Variants in MAP3K4 observed in about 807,000 individuals in gnomAD.
MAP3K4 encodes mitogen-activated protein kinase kinase kinase 4.
In MAP3K4, 67 loss-of-function variants were observed where a neutral mutation model predicts 185.6. The ratio of observed to expected loss-of-function variants is 0.36; its 90% CI spans 0.30 to 0.44. The LOEUF is 0.44. MAP3K4 is among the 20% of genes least tolerant of loss of function. MAP3K4 has a pLI of 1.00. For synonymous variants in MAP3K4, 702 were observed against 710.4 expected (o/e 0.99, Z 0.19); for missense variants, 1,551 against 1,995.1 (o/e 0.78, Z 4.24).
intron 3 of MAP3K4, among the ~76,000 whole-genome samples, chr6:161,068,791 A>G (rs184639243): frequency 9.8e-5 from 15 of 152,340 alleles, no homozygotes; most frequent in African/African-American, 3.6e-4. Context: ...ATGAATGAGC[A>G]TTAATTAGTG....
Position 161,091,390 on chromosome 6 carries a change from G to A in MAP3K4, c.2985G>A (p.Leu995=). 1 of 1,613,186 alleles carries A rather than the reference G, an allele frequency of 6.2e-7. No homozygotes were observed. Among genetic ancestry groups the A allele is most frequent in the Non-Finnish European group, 8.5e-7 (1 of 1,179,662 alleles). ...KALQQLKNDA[L]ELCNRISNAI... Reference sequence around the variant, plus strand: ...TTTGGACTCTTCAGAATGATGCATTGGAGCTATGCAACAGGATAAGCAATG... The same window carrying A: ...TTTGGACTCTTCAGAATGATGCATTAGAGCTATGCAACAGGATAAGCAATG... Residue 995 remains leucine (L), a synonymous_variant, in exon 12 of 27, where the codon TTG becomes TTA. Transcript: ENST00000392142. The surrounding 1 kb of genome is among the most constrained non-coding windows in gnomAD (Gnocchi z 5.5).
Position 161,017,303 on chromosome 6 carries a change from A to C in MAP3K4, c.153-16956A>C, listed in dbSNP as rs917937639. Among the ~76,000 whole-genome samples the C allele has an allele frequency of 2.3e-4, 35 of 152,156 alleles. No individual in the cohort carries two copies. The highest frequency in any genetic ancestry group is 1.5e-4 in the Non-Finnish European group (10 of 68,030). On this transcript the variant is annotated intron_variant, in intron 1 of 26. Transcript: ENST00000392142. This position sits in a 1 kb window ranked among gnomAD's most constrained non-coding sequence, Gnocchi z 5.1. ...TTTCGATGATCCTAGCTAAGTCAAAACAATTTGGTGGCATACTTGTTTCTG... is the reference window on the plus strand; with the variant it reads ...TTTCGATGATCCTAGCTAAGTCAAACCAATTTGGTGGCATACTTGTTTCTG...
intron 18 of MAP3K4, among the ~76,000 whole-genome samples, chr6:161,102,355 C>T (rs1367306554): frequency 6.6e-6 from 1 of 152,208 alleles, no homozygotes; most frequent in African/African-American, 2.4e-5. Flanking sequence ...ATGCAGCCCT[C>T]AGGAACCACA....
Position 160,992,332 on chromosome 6 carries a change from C to G in MAP3K4, c.152+249C>G, listed in dbSNP as rs1207052672. On this transcript the variant is annotated intron_variant, in intron 1 of 26. Coordinates refer to ENST00000392142, the MANE Select transcript of MAP3K4 (RefSeq NM_005922.4). ...CGAGCGTGTTGCCGGCTCCCCTTCCCTTGTAGACTCCCCCAGCTCACCCTC... is the reference window on the plus strand; with the variant it reads ...CGAGCGTGTTGCCGGCTCCCCTTCCGTTGTAGACTCCCCCAGCTCACCCTC... The G allele has an allele frequency of 7.6e-6, 4 of 529,062 alleles. No homozygotes were observed. In the African/African-American group the frequency reaches 8.1e-5, roughly 11 times the overall value. The allele number at this position is 529,062 out of a possible 1,614,324, so 32.8% of individuals were successfully genotyped here. A position where few individuals can be genotyped will look rare whatever the true frequency, so the allele number is the denominator to read the frequency against.
At chr6:161,012,203 TAG>T (rs1240151204) in intron 1 of MAP3K4, among the ~76,000 whole-genome samples, 8 of 152,226 alleles carry the variant, frequency 5.3e-5, no homozygotes, top group Non-Finnish European at 8.8e-5. Flanking sequence ...TCTGAGAATT[TAG>T]AGTCTTAATT....
Position 161,108,890 on chromosome 6 carries a change from G to C in MAP3K4, c.4236+31G>C. ...CCGACCCTAATGCCACTCTTTGTGT[G>C]AGGAATCAGTGAGGGCACAGAATGG... On this transcript the variant is annotated intron_variant, in intron 22 of 26. Coordinates refer to ENST00000392142, the MANE Select transcript of MAP3K4 (RefSeq NM_005922.4). This position sits in a 1 kb window ranked among gnomAD's most constrained non-coding sequence, Gnocchi z 5.7. 2 of 1,597,206 alleles carry C rather than the reference G, an allele frequency of 1.3e-6. No individual in the cohort carries two copies. The highest frequency in any genetic ancestry group is 1.7e-6 in the Non-Finnish European group (2 of 1,164,636).
rs569871163 is a variant in MAP3K4 at position 161,064,057 on chromosome 6, G to C, written c.1708-6551G>C. 6.6e-6 allele frequency among the ~76,000 whole-genome samples: 1 copy of C among 152,052 alleles called. No individual in the cohort carries two copies. Among genetic ancestry groups the C allele is most frequent in the African/African-American group, 2.4e-5 (1 of 41,392 alleles). On this transcript the variant is annotated intron_variant, in intron 3 of 26. Coordinates refer to ENST00000392142, the MANE Select transcript of MAP3K4 (RefSeq NM_005922.4). The surrounding 1 kb of genome is among the most constrained non-coding windows in gnomAD (Gnocchi z 4.3). Reference sequence around the variant, plus strand: ...CATTGCTCCATTTTTATGAGAGGGCGTTGAAGGGAAATTGAAACCCTGTTG... The same window carrying C: ...CATTGCTCCATTTTTATGAGAGGGCCTTGAAGGGAAATTGAAACCCTGTTG...
At position 161,053,662 on chromosome 6, in the gene MAP3K4, G is replaced by T. The variant is rs1784103914; in HGVS notation, c.1707+3683G>T. 6.6e-6 allele frequency among the ~76,000 whole-genome samples: 1 copy of T among 151,940 alleles called. No individual in the cohort carries two copies. The highest frequency in any genetic ancestry group is 1.5e-5 in the Non-Finnish European group (1 of 67,976). ...GCTGGAGTGTAATGGGAAGATCTCG[G>T]CTCACTGCAACCTCTGTCTCCCGGG... On this transcript the variant is annotated intron_variant, in intron 3 of 26. Coordinates refer to ENST00000392142, the MANE Select transcript of MAP3K4 (RefSeq NM_005922.4). The surrounding 1 kb of genome is among the most constrained non-coding windows in gnomAD (Gnocchi z 4.2).
Position 161,071,699 on chromosome 6 carries a change from C to G in MAP3K4, c.1950+849C>G, listed in dbSNP as rs963180933. On this transcript the variant is annotated intron_variant, in intron 4 of 26. Coordinates refer to ENST00000392142, the MANE Select transcript of MAP3K4 (RefSeq NM_005922.4). The surrounding 1 kb of genome is among the most constrained non-coding windows in gnomAD (Gnocchi z 4.6). ...CTAATGAAAGTCATTTGGAGATTGT[C>G]CCCTGCATCTCATTTCCATCCCTTT... Among the ~76,000 whole-genome samples, 2 of 152,110 alleles carry G rather than the reference C, an allele frequency of 1.3e-5. No homozygotes were observed. The highest frequency in any genetic ancestry group is 4.8e-5 in the African/African-American group (2 of 41,414).
chr6:161,102,589 A>G, intron 18 of MAP3K4, 110 bp from the exon 19 acceptor site: 2 of 644,948 alleles, frequency 3.1e-6, no homozygotes, highest in Non-Finnish European at 5.2e-6. Flanking sequence ...AAAATTAATA[A>G]CCAGAAAGGC....
rs542356870 is a variant in MAP3K4, at chr6:160,992,321, G to T, written c.152+238G>T. On this transcript the variant is annotated intron_variant, in intron 1 of 26. Coordinates refer to ENST00000392142, the MANE Select transcript of MAP3K4 (RefSeq NM_005922.4). ...AGGGTTCCGCTCGAGCGTGTTGCCG[G>T]CTCCCCTTCCCTTGTAGACTCCCCC... 7 of 543,902 alleles carry T rather than the reference G, an allele frequency of 1.3e-5. No individual in the cohort carries two copies. The South Asian group carries it at 1.8e-4, about 14-fold the overall frequency. 33.7% of individuals were successfully genotyped at this position (543,902 alleles called of 1,614,324 possible).
intron 2 of MAP3K4, among the ~76,000 whole-genome samples, chr6:161,040,243 A>G (rs1290142711): frequency 6.6e-6 from 1 of 152,132 alleles, no homozygotes; most frequent in Non-Finnish European, 1.5e-5. Context: ...TTGTGGTTGA[A>G]TGCATAAGGC....
At chr6:161,024,336 T>A (rs899143548) in intron 1 of MAP3K4, among the ~76,000 whole-genome samples, 1 of 152,164 alleles carries the variant, frequency 6.6e-6, no homozygotes, top group South Asian at 2.1e-4. Flanking sequence ...TACCCTATGC[T>A]CAGTTTCCCC....
Position 161,043,721 on chromosome 6 carries a change from G to A in MAP3K4, c.344-4895G>A, listed in dbSNP as rs568517244. ...ACTTTAGCAGGAACGCAGTGATTTCGAACATACACTGAAATTTGAGAAGCT... is the reference window on the plus strand; with the variant it reads ...ACTTTAGCAGGAACGCAGTGATTTCAAACATACACTGAAATTTGAGAAGCT... On this transcript the variant is annotated intron_variant, in intron 2 of 26. Coordinates refer to ENST00000392142, the MANE Select transcript of MAP3K4 (RefSeq NM_005922.4). The surrounding 1 kb of genome is among the most constrained non-coding windows in gnomAD (Gnocchi z 4.3). 1.1e-4 allele frequency among the ~76,000 whole-genome samples: 17 copies of A among 152,180 alleles called. No individual in the cohort carries two copies. The highest frequency in any genetic ancestry group is 1.8e-4 in the Non-Finnish European group (12 of 68,028).
rs1332741771 is a variant in MAP3K4 at position 161,088,093 on chromosome 6, G to A, written c.2823+139G>A. 9 of 741,530 alleles carry A rather than the reference G, an allele frequency of 1.2e-5. No individual in the cohort carries two copies. Among genetic ancestry groups the A allele is most frequent in the Non-Finnish European group, 1.9e-5 (9 of 473,122 alleles). 45.9% of individuals were successfully genotyped at this position (741,530 alleles called of 1,614,324 possible). ...ACTTCCCAAAAATATGCCTCAATGTGTTAATAGGTCATTTTGCAGCATAAT... is the reference window on the plus strand; with the variant it reads ...ACTTCCCAAAAATATGCCTCAATGTATTAATAGGTCATTTTGCAGCATAAT... On this transcript the variant is annotated intron_variant, in intron 10 of 26. Transcript: ENST00000392142. The surrounding 1 kb of genome is among the most constrained non-coding windows in gnomAD (Gnocchi z 4.5).
chr6:161,076,248 C>A lies in MAP3K4; in HGVS notation c.2097+2636C>A, dbSNP rs191322396. ...TGTGACAGCCATGACCGAAGCTGAGCCTGTCTCTCCAGGGATTCTGTTGTT... is the reference window on the plus strand; with the variant it reads ...TGTGACAGCCATGACCGAAGCTGAGACTGTCTCTCCAGGGATTCTGTTGTT... On this transcript the variant is annotated intron_variant, in intron 5 of 26. Coordinates refer to ENST00000392142, the MANE Select transcript of MAP3K4 (RefSeq NM_005922.4). This position sits in a 1 kb window ranked among gnomAD's most constrained non-coding sequence, Gnocchi z 4.2. 6.6e-6 allele frequency among the ~76,000 whole-genome samples: 1 copy of A among 152,306 alleles called. No homozygotes were observed. The highest frequency in any genetic ancestry group is 1.5e-5 in the Non-Finnish European group (1 of 68,022).
At position 161,043,625 on chromosome 6, in the gene MAP3K4, T is replaced by C. The variant is rs1009488152; in HGVS notation, c.344-4991T>C. On this transcript the variant is annotated intron_variant, in intron 2 of 26. Transcript: ENST00000392142. The surrounding 1 kb of genome is among the most constrained non-coding windows in gnomAD (Gnocchi z 4.3). ...TGACAATGTCTGTGAAGCCCTTACC[T>C]GGAAAATGGAAGCTGGATAAAGCAA... Among the ~76,000 whole-genome samples, 2 of 152,206 alleles carry C rather than the reference T, an allele frequency of 1.3e-5. No individual in the cohort carries two copies. The highest frequency in any genetic ancestry group is 2.9e-5 in the Non-Finnish European group (2 of 68,034).
intron 1 of MAP3K4, among the ~76,000 whole-genome samples, chr6:160,999,672 TCTTC>T: frequency 6.6e-6 from 1 of 152,196 alleles, no homozygotes; most frequent in East Asian, 1.9e-4. Flanking sequence ...TGCAAGCCCT[TCTTC>T]CCTTACCCTC....
At chr6:160,998,025 A>C (rs1303010150) in intron 1 of MAP3K4, among the ~76,000 whole-genome samples, 1 of 152,118 alleles carries the variant, frequency 6.6e-6, no homozygotes, top group Non-Finnish European at 1.5e-5. Flanking sequence ...AGTTGCCTTT[A>C]AAATAAATAA....
Sources: allele counts gnomAD v4.1 joint callset (sites outside exome capture counted in the v4.1 genomes callset), GRCh38; gene constraint gnomAD v4.1.1; non-coding constraint Gnocchi (gnomAD v3.1); transcripts MANE v1.5; gene names NCBI Gene and HGNC (gene_info 2026-07-23, HGNC 2026-07-21).